Variants in TRIM9 observed in about 807,000 individuals in gnomAD.
TRIM9 encodes the protein tripartite motif containing 9, also known as E3 ubiquitin-protein ligase TRIM9.
A neutral mutation model predicts 78.3 loss-of-function variants in TRIM9; 26 were observed. The ratio of observed to expected loss-of-function variants is 0.33; its 90% confidence interval spans 0.24 to 0.46. TRIM9 has a LOEUF of 0.46. Among genes scored for constraint, TRIM9 ranks in the 20% least tolerant of loss-of-function variants. TRIM9 has a pLI of 1.00. For missense variants in TRIM9, 787 were observed against 1,036.4 expected (o/e 0.76, Z 3.30); for synonymous variants, 398 against 416.5 (o/e 0.96, Z 0.54).
chr14:50,987,674 G>A (rs867827612), intron 7 of TRIM9, among the ~76,000 whole-genome samples: 1 of 152,130 alleles, frequency 6.6e-6, no homozygotes, highest in South Asian at 2.1e-4. Context: ...ATTAGCCTTT[G>A]AGTGTAATAG....
At chr14:51,050,420 G>A (rs1184606835) in intron 1 of TRIM9, among the ~76,000 whole-genome samples, 1 of 152,162 alleles carries the variant, frequency 6.6e-6, no homozygotes, top group East Asian at 1.9e-4. Flanking sequence ...TGTAAGACAT[G>A]CCTTTCGCCT....
chr14:51,066,079 A>G (rs1270492590), intron 1 of TRIM9, among the ~76,000 whole-genome samples: 3 of 99,426 alleles, frequency 3.0e-5, no homozygotes, highest in African/African-American at 1.4e-4. Flanking sequence ...GAAGGAAGGA[A>G]GGAAGGAAGG....
chr14:51,022,382 G>A (rs1428434520), intron 3 of TRIM9, among the ~76,000 whole-genome samples: 1 of 152,152 alleles, frequency 6.6e-6, no homozygotes, highest in African/African-American at 2.4e-5. Context: ...GATGCAGCAT[G>A]AAGGCCCCAC....
intron 1 of TRIM9, among the ~76,000 whole-genome samples, chr14:51,041,240 A>G (rs4539521): frequency 0.53 from 79,918 of 152,186 alleles, 22,695 homozygotes; most frequent in African/African-American, 0.75. Flanking sequence ...AATAAATCTC[A>G]CCATGGGAAT....
chr14:51,057,370 A>C (rs534533586), intron 1 of TRIM9, among the ~76,000 whole-genome samples: 1 of 152,304 alleles, frequency 6.6e-6, no homozygotes, highest in African/African-American at 2.4e-5. Context: ...ATTTACAGAT[A>C]TTTCCTTAAT....
chr14:51,051,604 C>G (rs559256029), intron 1 of TRIM9, among the ~76,000 whole-genome samples: 2 of 152,204 alleles, frequency 1.3e-5, no homozygotes, highest in South Asian at 4.2e-4. Context: ...GAGTATAATG[C>G]AATTAGCTAT....
chr14:51,057,091 C>G (rs1355032966), intron 1 of TRIM9, among the ~76,000 whole-genome samples: 1 of 152,230 alleles, frequency 6.6e-6, no homozygotes, highest in African/African-American at 2.4e-5. Flanking sequence ...GGCTCTCAGA[C>G]ATTATATCTG....
At chr14:51,032,093 T>G (rs2058780020) in intron 1 of TRIM9, among the ~76,000 whole-genome samples, 1 of 152,236 alleles carries the variant, frequency 6.6e-6, no homozygotes, top group African/African-American at 2.4e-5. Context: ...CATTTACCTC[T>G]TTTTAAATAA....
At chr14:51,015,683 T>C (rs1165103467) in intron 3 of TRIM9, among the ~76,000 whole-genome samples, 1 of 151,546 alleles carries the variant, frequency 6.6e-6, no homozygotes, top group Non-Finnish European at 1.5e-5. Context: ...CTGGCTAATG[T>C]GTATATTTTT....
chr14:50,998,318 T>C, intron 6 of TRIM9, 130 bp from the exon 7 acceptor site: 2 of 851,284 alleles, frequency 2.3e-6, no homozygotes, highest in Non-Finnish European at 3.7e-6. Flanking sequence ...TCCTGTGAGA[T>C]ATTGGGCCAT....
At chr14:50,982,988 G>A (rs2052171434) in intron 9 of TRIM9, 23 bp from the exon 10 acceptor site, 41 of 1,547,438 alleles carry the variant, frequency 2.6e-5, no homozygotes, top group Non-Finnish European at 3.5e-5. Context: ...CAAGTGAAAG[G>A]CATGGGGGAG....
At chr14:51,086,140 T>G (rs2063730239) in intron 1 of TRIM9, among the ~76,000 whole-genome samples, 1 of 152,226 alleles carries the variant, frequency 6.6e-6, no homozygotes, top group South Asian at 2.1e-4. Flanking sequence ...TCATTGAAGT[T>G]TGTAAGTTCA....
At chr14:51,029,680 T>C (rs924867629) in intron 1 of TRIM9, among the ~76,000 whole-genome samples, 7 of 149,756 alleles carry the variant, frequency 4.7e-5, no homozygotes, top group South Asian at 2.1e-4. Context: ...TTGTAATACA[T>C]TGGTCATTTC....
chr14:51,020,620 C>T (rs926483820), intron 3 of TRIM9, among the ~76,000 whole-genome samples: 4 of 152,220 alleles, frequency 2.6e-5, no homozygotes, highest in African/African-American at 4.8e-5. Context: ...CATAGTCACG[C>T]GATGTGGCAT....
At chr14:51,021,162 TAG>T (rs2057725657) in intron 3 of TRIM9, among the ~76,000 whole-genome samples, 1 of 152,194 alleles carries the variant, frequency 6.6e-6, no homozygotes, top group South Asian at 2.1e-4. Flanking sequence ...TGAAGGGCTA[TAG>T]TGACAGTTTT....
At chr14:51,016,690 A>T (rs1368035626) in intron 3 of TRIM9, among the ~76,000 whole-genome samples, 1 of 152,078 alleles carries the variant, frequency 6.6e-6, no homozygotes, top group Non-Finnish European at 1.5e-5. Context: ...CGTGGAATCA[A>T]TCCCCCACAG....
intron 1 of TRIM9, among the ~76,000 whole-genome samples, chr14:51,093,841 A>AG (rs1596344846): frequency 1.3e-5 from 2 of 152,218 alleles, no homozygotes; most frequent in East Asian, 3.9e-4. Flanking sequence ...CGCCGCGGAA[A>AG]GGGGGCGCCC....
At chr14:51,022,980 C>T in intron 2 of TRIM9, 23 bp from the exon 3 acceptor site, 2 of 1,612,770 alleles carry the variant, frequency 1.2e-6, no homozygotes, top group Non-Finnish European at 1.7e-6. Context: ...GCACATTTCT[C>T]AACTGCAAGC....
chr14:50,978,343 G>T (rs2051333263), intron 12 of TRIM9, among the ~76,000 whole-genome samples: 2 of 152,110 alleles, frequency 1.3e-5, no homozygotes, highest in African/African-American at 4.8e-5. Context: ...AGCTCAGGAG[G>T]GAAGTGAAAC....
Sources: gnomAD v4.1 joint callset for allele counts (sites outside exome capture counted in the v4.1 genomes callset) on GRCh38, gnomAD v4.1.1 for gene constraint, MANE v1.5 for transcripts, NCBI Gene and HGNC (gene_info 2026-07-23, HGNC 2026-07-21) for gene names.